Variants in CHRFAM7A observed in about 807,000 individuals in gnomAD.
CHRFAM7A encodes the protein CHRNA7-FAM7A fusion protein.
CHRFAM7A carries 3 observed loss-of-function variants against 29.2 expected under a neutral mutation model. The observed-to-expected ratio is 0.10, with a 90% confidence interval of 0.05 to 0.27. CHRFAM7A has a LOEUF of 0.27. Among genes scored for constraint, CHRFAM7A ranks in the 10% least tolerant of loss-of-function variants. The pLI, the probability that CHRFAM7A is intolerant of heterozygous loss-of-function variation, is 1.00. For missense variants in CHRFAM7A, 22 were observed against 328.0 expected (o/e 0.07, Z 7.21); for synonymous variants, 7 against 135.4 (o/e 0.05, Z 6.58).
At chr15:30,393,000 T>C (rs1346674422) in intron 1 of CHRFAM7A, among the ~76,000 whole-genome samples, 15 of 57,964 alleles carry the variant, frequency 2.6e-4, no homozygotes, top group South Asian at 1.3e-3. Context: ...AGCGGCGGGC[T>C]CCCACCTCGA....
intron 5 of CHRFAM7A, among the ~76,000 whole-genome samples, chr15:30,373,836 G>A (rs561271363): frequency 2.3e-5 from 2 of 87,758 alleles, no homozygotes; most frequent in African/African-American, 9.5e-5. Flanking sequence ...ATGCATGCCT[G>A]TAGTCCCAGC....
At chr15:30,377,792 G>A (rs1000848377) in intron 4 of CHRFAM7A, among the ~76,000 whole-genome samples, 1 of 145,366 alleles carries the variant, frequency 6.9e-6, no homozygotes, top group African/African-American at 2.6e-5. Context: ...TAGCCGGGAT[G>A]GTCTCGATCT....
At chr15:30,387,327 GT>G (rs1236213143) in intron 1 of CHRFAM7A, among the ~76,000 whole-genome samples, 11 of 93,546 alleles carry the variant, frequency 1.2e-4, no homozygotes, top group Admixed American at 3.5e-4. Flanking sequence ...TACCAGCATG[GT>G]TTTTTTTGGT....
In CHRFAM7A at chr15:30,372,360, A is replaced by G. The variant is rs1239730685; in HGVS notation, c.329-19T>C. On this transcript the variant is annotated intron_variant, in intron 6 of 9. Transcript: ENST00000299847. Reference sequence around the variant, plus strand: ...GGGATTCCTCCATAGGGAGGAGGAGAGAAGGAGCCATTGTTAGAATACAAT... The same window carrying G: ...GGGATTCCTCCATAGGGAGGAGGAGGGAAGGAGCCATTGTTAGAATACAAT... 1 of 1,080,428 alleles carries G rather than the reference A, an allele frequency of 9.3e-7. No individual in the cohort carries two copies. 66.9% of individuals were successfully genotyped at this position (1,080,428 alleles called of 1,614,324 possible). A position where few individuals can be genotyped will look rare whatever the true frequency, so the allele number is the denominator to read the frequency against.
chr15:30,375,662 TGAGGG>T (rs2058919074), intron 5 of CHRFAM7A, among the ~76,000 whole-genome samples: 3 of 146,558 alleles, frequency 2.0e-5, no homozygotes, highest in African/African-American at 5.1e-5. Flanking sequence ...GTGGTGTGTG[TGAGGG>T]GTGTGTGTGT....
chr15:30,376,140 G>A (rs372360190), intron 5 of CHRFAM7A, among the ~76,000 whole-genome samples: 46 of 140,556 alleles, frequency 3.3e-4, no homozygotes, highest in African/African-American at 8.5e-4. Context: ...TGTGTGTGAG[G>A]TGTGTGTGAG....
rs1445694114 is a variant in CHRFAM7A at position 30,374,439 on chromosome 15, G to A, written c.161-1294C>T. On this transcript the variant is annotated intron_variant, in intron 5 of 9. Coordinates refer to ENST00000299847, the MANE Select transcript of CHRFAM7A (RefSeq NM_139320.2). ...TTTATAGGAATCTGGAATCATCACA[G>A]ACAATCCCCCTCCATTAATAGTTGG... Among the ~76,000 whole-genome samples the A allele has an allele frequency of 1.1e-4, 12 of 114,126 alleles. No individual in the cohort carries two copies. In the Admixed American group the frequency reaches 1.2e-3, roughly 11 times the overall value. 74.9% of individuals were successfully genotyped at this position (114,126 alleles called of 152,430 possible). A position where few individuals can be genotyped will look rare whatever the true frequency, so the allele number is the denominator to read the frequency against.
chr15:30,393,857 CTG>C (rs60763666), upstream of CHRFAM7A: 22,997 of 82,792 alleles, frequency 0.28, 5,167 homozygotes, highest in South Asian at 0.46. Flanking sequence ...ACCACCAACT[CTG>C]TGTGTGTGTG....
intron 5 of CHRFAM7A, among the ~76,000 whole-genome samples, chr15:30,376,362 G>GT (rs1361645677): frequency 7.3e-6 from 1 of 136,218 alleles, no homozygotes; most frequent in Non-Finnish European, 1.6e-5. Context: ...AACCCCAGCT[G>GT]TTCCTATCAA....
intron 5 of CHRFAM7A, among the ~76,000 whole-genome samples, chr15:30,376,065 G>A (rs1342625389): frequency 7.3e-5 from 11 of 149,828 alleles, no homozygotes; most frequent in Non-Finnish European, 1.3e-4. Flanking sequence ...TGTGTGGGTG[G>A]TGTGTATGAG....
intron 9 of CHRFAM7A, among the ~76,000 whole-genome samples, chr15:30,366,759 T>TCTC (rs1256079306): frequency 1.3e-5 from 2 of 150,788 alleles, no homozygotes; most frequent in Non-Finnish European, 3.0e-5. Context: ...TACGCATCTG[T>TCTC]CTCATCTGTT....
chr15:30,375,606 G>GAGTC (rs2058917292), intron 5 of CHRFAM7A, among the ~76,000 whole-genome samples: 1 of 149,754 alleles, frequency 6.7e-6, no homozygotes, highest in Non-Finnish European at 1.5e-5. Context: ...TGAGGGTTGT[G>GAGTC]AGTCGTGTGT....
chr15:30,373,784 T>C (rs1347115004), intron 5 of CHRFAM7A, among the ~76,000 whole-genome samples: 9 of 101,308 alleles, frequency 8.9e-5, no homozygotes, highest in Admixed American at 8.3e-4. Context: ...CTGGGCAACA[T>C]AGTGAGACAT....
chr15:30,362,975 A>G (rs1368672459), intron 9 of CHRFAM7A, among the ~76,000 whole-genome samples, 164 bp from the exon 10 acceptor site: 1 of 151,028 alleles, frequency 6.6e-6, no homozygotes, highest in Admixed American at 6.6e-5. Flanking sequence ...TGCGTATGAC[A>G]AGCAGTCGAG....
intron 4 of CHRFAM7A, among the ~76,000 whole-genome samples, chr15:30,378,012 G>C (rs1318907588): frequency 1.2e-5 from 1 of 80,372 alleles, no homozygotes; most frequent in Non-Finnish European, 2.4e-5. Flanking sequence ...CATTGACTGG[G>C]ATTATCTATT....
At chr15:30,371,329 G>T in intron 7 of CHRFAM7A, 145 bp from the exon 8 acceptor site, 1 of 931,048 alleles carries the variant, frequency 1.1e-6, no homozygotes, top group Non-Finnish European at 1.7e-6. Flanking sequence ...CCCTATGTAT[G>T]GGCGTGTGCA....
rs2058742587 is a variant in CHRFAM7A at position 30,361,633 on chromosome 15, T to C, written c.*660A>G. 2 of 103,878 alleles carry C rather than the reference T, an allele frequency of 1.9e-5. No individual in the cohort carries two copies. The highest frequency in any genetic ancestry group is 4.9e-4 in the East Asian group (2 of 4,118). 6.4% of individuals were successfully genotyped at this position (103,878 alleles called of 1,614,324 possible). On this transcript the variant is annotated 3_prime_UTR_variant, in exon 10 of 10. Transcript: ENST00000299847. The stretch of plus-strand genomic sequence containing the variant: ...GAAACCTGCGTCCCTTTGATCTCCT[T>C]GACAGGGTAGGTTTGCAGAAGTCAG...
intron 5 of CHRFAM7A, among the ~76,000 whole-genome samples, chr15:30,375,861 TG>T (rs1197147137): frequency 1.7e-5 from 2 of 117,304 alleles, no homozygotes; most frequent in Non-Finnish European, 4.1e-5. Context: ...TGTGAGTGGT[TG>T]TGTGAGTGGT....
At chr15:30,374,752 CAAT>C (rs2058903802) in intron 5 of CHRFAM7A, among the ~76,000 whole-genome samples, 1 of 124,758 alleles carries the variant, frequency 8.0e-6, no homozygotes, top group Non-Finnish European at 1.7e-5. Flanking sequence ...AATTCTCTCT[CAAT>C]AAAGCTGTTA....
Sources: allele counts gnomAD v4.1 joint callset (sites outside exome capture counted in the v4.1 genomes callset), GRCh38; gene constraint gnomAD v4.1.1; transcripts MANE v1.5; gene names NCBI Gene and HGNC (gene_info 2026-07-23, HGNC 2026-07-21).